Variants in RAB9A observed in about 807,000 individuals in gnomAD.
RAB9A encodes the protein ras-related protein Rab-9A.
Under a neutral mutation model 10.3 loss-of-function variants are expected in RAB9A, and 1 was observed. The ratio of observed to expected loss-of-function variants is 0.10; its 90% CI spans 0.03 to 0.46. The LOEUF (loss-of-function observed/expected upper bound fraction) is 0.46, where lower values mean the gene tolerates loss of function less well. Among genes scored for constraint, RAB9A ranks in the 20% least tolerant of loss-of-function variants. RAB9A has a pLI of 0.96. For missense variants in RAB9A, 92 were observed against 150.3 expected (o/e 0.61, Z 2.03); for synonymous variants, 39 against 55.2 (o/e 0.71, Z 1.30).
At position 13,709,160 on chromosome X, in the gene RAB9A, C is replaced by G. The variant is rs146572677; in HGVS notation, c.414C>G (p.Ala138=). The change falls in exon 3 of 3, where the codon GCC becomes GCG. Residue 138 remains alanine (A), a synonymous_variant. Transcript: ENST00000464506. ...ISERQVSTEE[A]QAWCRDNGDY... ...AACGGCAGGTGTCTACAGAAGAAGCCCAAGCTTGGTGCAGGGACAACGGCG... is the reference window on the plus strand; with the variant it reads ...AACGGCAGGTGTCTACAGAAGAAGCGCAAGCTTGGTGCAGGGACAACGGCG... 821 of 1,209,687 alleles carry G rather than the reference C, an allele frequency of 6.8e-4. No individual in the cohort carries two copies. Among genetic ancestry groups the G allele is most frequent in the Non-Finnish European group, 8.2e-4 (736 of 895,165 alleles).
chrX:13,708,635 A>T (rs1602700687), intron 2 of RAB9A, 86 bp from the exon 3 acceptor site: 2 of 908,226 alleles, frequency 2.2e-6, no homozygotes, highest in East Asian at 6.4e-5. Context: ...CATATGTTTT[A>T]TTTCAGCTAA....
intron 1 of RAB9A, among the ~76,000 whole-genome samples, chrX:13,698,134 G>A (rs2046155861): frequency 9.7e-6 from 1 of 103,457 alleles, no homozygotes. Flanking sequence ...GCACTATATA[G>A]TTTCATGATG....
chrX:13,691,531 A>G lies in RAB9A; in HGVS notation c.-116+2243A>G, dbSNP rs199616523. 2.1e-4 allele frequency among the ~76,000 whole-genome samples: 23 copies of G among 109,249 alleles called. 1 individual carries two copies. The East Asian group carries it at 3.4e-3, about 16-fold the overall frequency. The allele number at this position is 109,249 out of a possible 115,157, so 94.9% of individuals were successfully genotyped here. A position where few individuals can be genotyped will look rare whatever the true frequency, so the allele number is the denominator to read the frequency against. The stretch of plus-strand genomic sequence containing the variant: ...AAAAATTAGCCAGGCGTGGTGGCGG[A>G]TGCCCGTAATCCCAGCTACTCAGGA... On this transcript the variant is annotated intron_variant, in intron 1 of 2. Coordinates refer to ENST00000464506, the MANE Select transcript of RAB9A (RefSeq NM_004251.5).
chrX:13,693,534 A>G, intron 1 of RAB9A, among the ~76,000 whole-genome samples: 1 of 112,020 alleles, frequency 8.9e-6, no homozygotes. Flanking sequence ...TGCCAGGGCT[A>G]GTTAGATAAC....
chrX:13,700,774 A>AT (rs953857162), intron 1 of RAB9A, among the ~76,000 whole-genome samples: 34 of 105,211 alleles, frequency 3.2e-4, no homozygotes, highest in South Asian at 2.8e-3. Flanking sequence ...TACAGTAAAA[A>AT]TTTTTTTTTT....
chrX:13,707,781 C>T (rs2046204124), intron 2 of RAB9A, among the ~76,000 whole-genome samples: 1 of 112,449 alleles, frequency 8.9e-6, no homozygotes, highest in Admixed American at 9.4e-5. Flanking sequence ...AATTCCATTG[C>T]TGCTGACATT....
rs375872245 is a variant in RAB9A at position 13,709,313 on chromosome X, T to G, written c.567T>G (p.Asn189Lys). Residue 189 changes from asparagine (N) to lysine (K), a missense_variant, in exon 3 of 3, where the codon AAT becomes AAG. Physicochemically the swap from Asn to Lys is moderately conservative, Grantham distance 94. Coordinates refer to ENST00000464506, the MANE Select transcript of RAB9A (RefSeq NM_004251.5). Reference protein sequence around the residue: ...SDHLIQTDTVNLHRKPKPSSS... With the variant: ...SDHLIQTDTVKLHRKPKPSSS... ...ATTTGATTCAGACAGACACAGTCAA[T>G]CTTCACCGAAAGCCCAAGCCTAGCT... 29 of 1,205,598 alleles carry G rather than the reference T, an allele frequency of 2.4e-5. No homozygotes were observed. Among genetic ancestry groups the G allele is most frequent in the Non-Finnish European group, 3.1e-5 (28 of 892,687 alleles).
At chrX:13,694,222 A>G (rs1486492003) in intron 1 of RAB9A, among the ~76,000 whole-genome samples, 1 of 111,767 alleles carries the variant, frequency 8.9e-6, no homozygotes, top group African/African-American at 3.3e-5. Flanking sequence ...CTTGCTGTGC[A>G]GAACTCTAAC....
intron 1 of RAB9A, among the ~76,000 whole-genome samples, chrX:13,698,181 CT>C (rs1270144674): frequency 2.2e-4 from 17 of 76,783 alleles, no homozygotes; most frequent in African/African-American, 7.9e-4. Context: ...TCTTCTTTTT[CT>C]TTTTTTTCTT....
chrX:13,708,403 T>G (rs1203230974), intron 2 of RAB9A, among the ~76,000 whole-genome samples: 3 of 110,537 alleles, frequency 2.7e-5, no homozygotes, highest in Non-Finnish European at 5.7e-5. Context: ...ATGGTGGGGC[T>G]TACTATGAGC....
intron 1 of RAB9A, among the ~76,000 whole-genome samples, chrX:13,697,086 C>T (rs575458073): frequency 9.0e-6 from 1 of 111,266 alleles, no homozygotes; most frequent in African/African-American, 3.3e-5. Flanking sequence ...CTCTAACAGT[C>T]GAGAAGTTTC....
intron 1 of RAB9A, among the ~76,000 whole-genome samples, chrX:13,691,874 C>T (rs1193468309): frequency 3.7e-5 from 4 of 109,519 alleles, no homozygotes; most frequent in African/African-American, 1.3e-4. Flanking sequence ...GTGGGGAGTC[C>T]CAACCTTCCT....
chrX:13,697,812 C>T (rs775696333), intron 1 of RAB9A, among the ~76,000 whole-genome samples: 136 of 111,658 alleles, frequency 1.2e-3, no homozygotes, highest in African/African-American at 4.3e-3. Context: ...AGAAAAAAAG[C>T]GCAAGCACAC....
chrX:13,706,265 T>G (rs1228397892), intron 2 of RAB9A, among the ~76,000 whole-genome samples: 2 of 112,343 alleles, frequency 1.8e-5, no homozygotes, highest in Non-Finnish European at 3.8e-5. Context: ...ATTAATAGTC[T>G]GGATATTGAG....
In RAB9A at chrX:13,710,324, G is replaced by A. The variant is rs2046216311; in HGVS notation, c.*972G>A. ...TCACTCTCAGAAGAAATACTAAGAA[G>A]GATTGTACTTTGTGAGAGGGTAAAC... On this transcript the variant is annotated 3_prime_UTR_variant, in exon 3 of 3. Coordinates refer to ENST00000464506, the MANE Select transcript of RAB9A (RefSeq NM_004251.5). 8.1e-6 allele frequency: 1 copy of A among 123,763 alleles called. No individual in the cohort carries two copies. Among genetic ancestry groups the A allele is most frequent in the South Asian group, 3.7e-4 (1 of 2,733 alleles). 10.2% of individuals were successfully genotyped at this position (123,763 alleles called of 1,213,427 possible).
chrX:13,694,606 C>G (rs1202700758), intron 1 of RAB9A, among the ~76,000 whole-genome samples: 1 of 111,674 alleles, frequency 9.0e-6, no homozygotes, highest in Non-Finnish European at 1.9e-5. Context: ...CTACAAATGT[C>G]AAGTATCTAT....
At position 13,690,686 on chromosome X, in the gene RAB9A, A is replaced by T. The variant is rs938231605; in HGVS notation, c.-116+1398A>T. Among the ~76,000 whole-genome samples, 11 of 111,660 alleles carry T rather than the reference A, an allele frequency of 9.9e-5. 1 individual carries two copies. Among genetic ancestry groups the T allele is most frequent in the African/African-American group, 2.9e-4 (9 of 30,677 alleles). On this transcript the variant is annotated intron_variant, in intron 1 of 2. Transcript: ENST00000464506. ...AAAGAGAAGATCCTTGAGTTCTCGA[A>T]ATTATTTTTTTTTAGCCTCCCCTCA...
At position 13,709,498 on chromosome X, in the gene RAB9A, A is replaced by AG. The variant is rs1380718039; in HGVS notation, c.*149dup. The stretch of plus-strand genomic sequence containing the variant: ...TGCTGCTTCATTAGTTGGTGGGAGA[A>AG]GGGACACATCCACTCTTGGAGGAAT... On this transcript the variant is annotated 3_prime_UTR_variant, in exon 3 of 3. Coordinates refer to ENST00000464506, the MANE Select transcript of RAB9A (RefSeq NM_004251.5). 50 of 601,995 alleles carry AG rather than the reference A, an allele frequency of 8.3e-5. No individual in the cohort carries two copies. Among genetic ancestry groups the AG allele is most frequent in the Middle Eastern group, 4.1e-4 (1 of 2,423 alleles). 49.6% of individuals were successfully genotyped at this position (601,995 alleles called of 1,213,427 possible). A position where few individuals can be genotyped will look rare whatever the true frequency, so the allele number is the denominator to read the frequency against.
rs766343709 is a variant in RAB9A, at chrX:13,703,494, G to C, written c.-115-320G>C. On this transcript the variant is annotated intron_variant, in intron 1 of 2. Transcript: ENST00000464506. ...ATTTTATTATTGATTGAATTTATAA[G>C]TTAAGGACTGCTGTATGTAAGTCCC... Among the ~76,000 whole-genome samples, 8 of 112,345 alleles carry C rather than the reference G, an allele frequency of 7.1e-5. No individual in the cohort carries two copies. In the East Asian group the frequency reaches 1.9e-3, roughly 27 times the overall value.
Sources: allele counts gnomAD v4.1 joint callset (sites outside exome capture counted in the v4.1 genomes callset), GRCh38; gene constraint gnomAD v4.1.1; transcripts MANE v1.5; gene names NCBI Gene and HGNC (gene_info 2026-07-23, HGNC 2026-07-21).